Variants in PDE7B observed in about 807,000 individuals in gnomAD.
PDE7B encodes the protein phosphodiesterase 7B, also known as 3',5'-cyclic-AMP phosphodiesterase 7B.
Under a neutral mutation model 56.2 loss-of-function variants are expected in PDE7B, and 29 were observed. That is an observed-to-expected ratio of 0.52 (90% CI 0.38 to 0.70). The LOEUF (loss-of-function observed/expected upper bound fraction) is 0.70. PDE7B is among the 30% of genes least tolerant of loss of function. PDE7B has a pLI of 0.00. For missense variants in PDE7B, 490 were observed against 565.0 expected, an observed-to-expected ratio of 0.87 and a Z score of 1.35; for synonymous variants, 197 against 196.9, an observed-to-expected ratio of 1.00 and a Z score of 0.00.
rs749275115 is a variant in PDE7B at position 136,191,880 on chromosome 6, C to A, written c.*40C>A. ...TAGACGCGGCTCTCCTCCGGCAGGG[C>A]CCCCAGAGGGCAGAAGCAGCGTGGA... On this transcript the variant is annotated 3_prime_UTR_variant, in exon 13 of 13. Coordinates refer to ENST00000308191, the MANE Select transcript of PDE7B (RefSeq NM_018945.4). The A allele has an allele frequency of 2.0e-6, 3 of 1,467,574 alleles. No individual in the cohort carries two copies. Among genetic ancestry groups the A allele is most frequent in the Admixed American group, 2.0e-5 (1 of 50,684 alleles). 90.9% of individuals were successfully genotyped at this position (1,467,574 alleles called of 1,614,324 possible). A position where few individuals can be genotyped will look rare whatever the true frequency, so the allele number is the denominator to read the frequency against.
At chr6:136,009,997 G>C (rs1185343643) in intron 2 of PDE7B, among the ~76,000 whole-genome samples, 1 of 152,132 alleles carries the variant, frequency 6.6e-6, no homozygotes, top group Admixed American at 6.5e-5. Context: ...CTTTGGGGTT[G>C]ATTTGTTCTT....
rs995129553 is a variant in PDE7B at position 135,931,957 on chromosome 6, A to G, written c.22-15507A>G. Reference sequence around the variant, plus strand: ...CGCGCACACACACACGCGCGCGCACACACACACACACACACACACACACAC... The same window carrying G: ...CGCGCACACACACACGCGCGCGCACGCACACACACACACACACACACACAC... On this transcript the variant is annotated intron_variant, in intron 1 of 12. Coordinates refer to ENST00000308191, the MANE Select transcript of PDE7B (RefSeq NM_018945.4). Among the ~76,000 whole-genome samples, 108 of 67,912 alleles carry G rather than the reference A, an allele frequency of 1.6e-3. 1 individual carries two copies. The highest frequency in any genetic ancestry group is 0.011 in the African/African-American group (97 of 8,522). 44.6% of individuals were successfully genotyped at this position (67,912 alleles called of 152,430 possible).
intron 1 of PDE7B, among the ~76,000 whole-genome samples, chr6:135,938,661 G>A (rs914319643): frequency 6.6e-6 from 1 of 152,168 alleles, no homozygotes; most frequent in Non-Finnish European, 1.5e-5. Context: ...TGGGAATCAG[G>A]ACTAACCACG....
chr6:136,064,347 G>GA (rs1776896454), intron 2 of PDE7B: 2 of 152,168 alleles, frequency 1.3e-5, no homozygotes, highest in Non-Finnish European at 1.5e-5. Flanking sequence ...AAAAACTTCA[G>GA]TTTTTTAATC....
chr6:136,108,672 G>T, intron 2 of PDE7B, 59 bp from the exon 3 acceptor site: 1 of 1,116,620 alleles, frequency 9.0e-7, no homozygotes, highest in South Asian at 1.2e-5. Context: ...ATTTACAGGG[G>T]AAAAGTGAAT....
At chr6:135,950,747 AT>A (rs1774684261) in intron 2 of PDE7B, among the ~76,000 whole-genome samples, 1 of 152,078 alleles carries the variant, frequency 6.6e-6, no homozygotes. Flanking sequence ...CTCCATTTGC[AT>A]TTCCTTCTCT....
intron 3 of PDE7B, among the ~76,000 whole-genome samples, chr6:136,134,672 C>CCAACCCTGAACCCCGGATGTCAGAGATT (rs574805524): frequency 0.042 from 6,159 of 146,708 alleles, 463 homozygotes; most frequent in African/African-American, 0.15. Context: ...AGTTTTCCAA[C>CCAACCCTGAACCCCGGATGTCAGAGATT]CAACCCTGAA....
chr6:136,190,394 C>T (rs1394182051), intron 12 of PDE7B, among the ~76,000 whole-genome samples: 1 of 152,106 alleles, frequency 6.6e-6, no homozygotes, highest in East Asian at 1.9e-4. Flanking sequence ...TTGCTGCATC[C>T]CTCTTCCATC....
intron 2 of PDE7B, among the ~76,000 whole-genome samples, chr6:136,082,794 G>C (rs1777227574): frequency 6.6e-6 from 1 of 152,176 alleles, no homozygotes; most frequent in Admixed American, 6.5e-5. Context: ...GAGAGCAATG[G>C]GAGTGGAAAG....
At chr6:136,078,976 G>A (rs530276502) in intron 2 of PDE7B, among the ~76,000 whole-genome samples, 5 of 151,862 alleles carry the variant, frequency 3.3e-5, no homozygotes, top group Non-Finnish European at 7.4e-5. Context: ...TTTTATAATG[G>A]GATTATAAAA....
intron 1 of PDE7B, among the ~76,000 whole-genome samples, chr6:135,919,302 G>C (rs1331720622): frequency 6.6e-6 from 1 of 152,130 alleles, no homozygotes; most frequent in African/African-American, 2.4e-5. Flanking sequence ...CCTAACAAGA[G>C]GCCTTTTAGG....
chr6:136,090,218 G>A lies in PDE7B; in HGVS notation c.83-18513G>A, dbSNP rs554477147. Among the ~76,000 whole-genome samples the A allele has an allele frequency of 2.0e-5, 3 of 152,258 alleles. No individual in the cohort carries two copies. The South Asian group carries it at 6.2e-4, about 32-fold the overall frequency. The stretch of plus-strand genomic sequence containing the variant: ...GGTTCCTTCACGTGGCTATGAGAAA[G>A]GCTGAACTGTGGAGCATCACGATCT... On this transcript the variant is annotated intron_variant, in intron 2 of 12. Coordinates refer to ENST00000308191, the MANE Select transcript of PDE7B (RefSeq NM_018945.4).
At chr6:135,986,000 A>C (rs1376247795) in intron 2 of PDE7B, among the ~76,000 whole-genome samples, 1 of 152,192 alleles carries the variant, frequency 6.6e-6, no homozygotes, top group African/African-American at 2.4e-5. Context: ...GCCAATTATA[A>C]TGCTGTTACT....
At chr6:135,911,497 C>G (rs141720813) in intron 1 of PDE7B, among the ~76,000 whole-genome samples, 1 of 152,344 alleles carries the variant, frequency 6.6e-6, no homozygotes, top group East Asian at 1.9e-4. Context: ...AAACAATTTA[C>G]AAAAGTTTAT....
chr6:135,914,931 A>G (rs1249552653), intron 1 of PDE7B, among the ~76,000 whole-genome samples: 2 of 151,680 alleles, frequency 1.3e-5, no homozygotes, highest in Admixed American at 6.6e-5. Flanking sequence ...CATCTCTACT[A>G]AAAGTACAAC....
intron 2 of PDE7B, among the ~76,000 whole-genome samples, chr6:136,101,792 C>A (rs1464162851): frequency 2.0e-5 from 3 of 152,172 alleles, no homozygotes; most frequent in African/African-American, 7.2e-5. Context: ...ACCTGCACCA[C>A]TAGGGGTTCA....
At position 135,867,581 on chromosome 6, in the gene PDE7B, C is replaced by G. The variant is rs189508632; in HGVS notation, c.21+15562C>G. Among the ~76,000 whole-genome samples the G allele has an allele frequency of 2.6e-3, 396 of 152,272 alleles. 2 individuals are homozygous for G. The highest frequency in any genetic ancestry group is 8.9e-3 in the African/African-American group (369 of 41,546). The stretch of plus-strand genomic sequence containing the variant: ...TATTTTCCTGATCCCTCTCCTTCCT[C>G]CCACCCTCTACCGTCCAGTAGGCCC... On this transcript the variant is annotated intron_variant, in intron 1 of 12. Transcript: ENST00000308191.
chr6:136,191,408 C>A (rs1227097608), intron 12 of PDE7B, among the ~76,000 whole-genome samples: 1 of 152,176 alleles, frequency 6.6e-6, no homozygotes, highest in Non-Finnish European at 1.5e-5. Context: ...GGCTCAGGCC[C>A]GTAATCCCAG....
chr6:136,184,683 G>A (rs1242414947), intron 11 of PDE7B, among the ~76,000 whole-genome samples: 4 of 152,160 alleles, frequency 2.6e-5, no homozygotes, highest in Non-Finnish European at 5.9e-5. Flanking sequence ...CTGGGCACCA[G>A]GCTACAGTAG....
Sources: gnomAD v4.1 joint callset for allele counts (sites outside exome capture counted in the v4.1 genomes callset) on GRCh38, gnomAD v4.1.1 for gene constraint, MANE v1.5 for transcripts, NCBI Gene and HGNC (gene_info 2026-07-23, HGNC 2026-07-21) for gene names.